Variants in ADGRB3 observed in about 807,000 individuals in gnomAD.
ADGRB3 encodes brain-specific angiogenesis inhibitor 3.
ADGRB3 carries 37 observed loss-of-function variants against 193.4 expected under a neutral mutation model. The observed-to-expected ratio is 0.19, with a 90% CI of 0.15 to 0.25. The LOEUF is 0.25. Among genes scored for constraint, ADGRB3 ranks in the 10% least tolerant of loss-of-function variants. The pLI, the probability that ADGRB3 is intolerant of heterozygous loss-of-function variation, is 1.00. For synonymous variants in ADGRB3, 690 were observed against 644.2 expected, an observed-to-expected ratio of 1.07 and a Z score of -1.08; for missense variants, 1,637 against 1,852.9, an observed-to-expected ratio of 0.88 and a Z score of 2.14.
At chr6:69,067,495 A>G (rs1771943109) in intron 16 of ADGRB3, among the ~76,000 whole-genome samples, 1 of 152,160 alleles carries the variant, frequency 6.6e-6, no homozygotes, top group Non-Finnish European at 1.5e-5. Context: ...AGAAATTCCA[A>G]CATTCATCAG....
intron 17 of ADGRB3, among the ~76,000 whole-genome samples, chr6:69,142,102 C>G (rs1411121211): frequency 1.3e-5 from 2 of 152,168 alleles, no homozygotes; most frequent in African/African-American, 4.8e-5. Context: ...ATACTTTGAT[C>G]TTAACTTTGG....
chr6:69,115,913 T>G (rs1174890960), intron 17 of ADGRB3, among the ~76,000 whole-genome samples: 1 of 152,214 alleles, frequency 6.6e-6, no homozygotes, highest in Non-Finnish European at 1.5e-5. Context: ...TGTATCAGTC[T>G]GGGTTCTAGA....
At chr6:69,159,520 T>C (rs1029472380) in intron 17 of ADGRB3, among the ~76,000 whole-genome samples, 2 of 152,114 alleles carry the variant, frequency 1.3e-5, no homozygotes, top group African/African-American at 4.8e-5. Context: ...TGAGTTCTTC[T>C]AGTTGGAAAG....
intron 3 of ADGRB3, among the ~76,000 whole-genome samples, chr6:68,832,022 T>C (rs149876364): frequency 6.6e-6 from 1 of 152,316 alleles, no homozygotes; most frequent in Non-Finnish European, 1.5e-5. Context: ...AGCTACCTTT[T>C]CTTTTAAGTT....
chr6:69,123,510 C>T (rs1388643002), intron 17 of ADGRB3, among the ~76,000 whole-genome samples: 1 of 152,160 alleles, frequency 6.6e-6, no homozygotes, highest in East Asian at 1.9e-4. Context: ...TCTTCACTCT[C>T]CTATAAATTA....
chr6:68,831,695 A>G (rs772017647), intron 3 of ADGRB3, among the ~76,000 whole-genome samples: 1 of 152,132 alleles, frequency 6.6e-6, no homozygotes, highest in Non-Finnish European at 1.5e-5. Flanking sequence ...CTGGAAGTCA[A>G]CGTGGAAATA....
chr6:68,955,593 C>T (rs1008620123), intron 6 of ADGRB3, among the ~76,000 whole-genome samples: 12 of 152,102 alleles, frequency 7.9e-5, no homozygotes, highest in African/African-American at 2.9e-4. Context: ...AGTTTGAGAC[C>T]AGCCTGACCA....
chr6:68,742,612 C>A (rs572402748), intron 3 of ADGRB3, among the ~76,000 whole-genome samples: 1 of 152,068 alleles, frequency 6.6e-6, no homozygotes, highest in South Asian at 2.1e-4. Context: ...TAAATGCCTA[C>A]CACATAGATT....
At chr6:68,806,050 A>T (rs745380911) in intron 3 of ADGRB3, among the ~76,000 whole-genome samples, 1 of 152,222 alleles carries the variant, frequency 6.6e-6, no homozygotes, top group Non-Finnish European at 1.5e-5. Flanking sequence ...CACAGCCAAC[A>T]TTCTCCCTTT....
chr6:69,220,790 C>T (rs1582555742), intron 17 of ADGRB3, among the ~76,000 whole-genome samples: 1 of 152,054 alleles, frequency 6.6e-6, no homozygotes, highest in East Asian at 1.9e-4. Context: ...GGAGTAACAG[C>T]ATGATAGGAA....
chr6:69,316,802 C>T (rs1768322215), intron 20 of ADGRB3, among the ~76,000 whole-genome samples: 1 of 151,314 alleles, frequency 6.6e-6, no homozygotes, highest in African/African-American at 2.4e-5. Context: ...GAAGTTTGAC[C>T]ACAATTGGAG....
At chr6:69,124,499 GA>G (rs1167853035) in intron 17 of ADGRB3, among the ~76,000 whole-genome samples, 1 of 152,142 alleles carries the variant, frequency 6.6e-6, no homozygotes, top group Non-Finnish European at 1.5e-5. Flanking sequence ...TCTTCGTCTA[GA>G]AAACAAGGAT....
chr6:69,132,954 C>T (rs936986388), intron 17 of ADGRB3, among the ~76,000 whole-genome samples: 1 of 152,080 alleles, frequency 6.6e-6, no homozygotes, highest in Non-Finnish European at 1.5e-5. Context: ...GGTGTTATTT[C>T]TGAGGGCTCT....
Position 68,679,838 on chromosome 6 carries a change from C to T in ADGRB3, c.757+40406C>T, listed in dbSNP as rs149758330. Among the ~76,000 whole-genome samples the T allele has an allele frequency of 6.8e-3, 1,033 of 152,146 alleles. 17 individuals carry two copies. The highest frequency in any genetic ancestry group is 0.024 in the African/African-American group (992 of 41,504). ...TTTCCTATAGAGAAATAATTGAGAA[C>T]AGTAAACACTTAAAAAATAGTCAAA... On this transcript the variant is annotated intron_variant, in intron 3 of 31. Coordinates refer to ENST00000370598, the MANE Select transcript of ADGRB3 (RefSeq NM_001704.3).
At chr6:68,647,634 C>T (rs1429391958) in intron 3 of ADGRB3, among the ~76,000 whole-genome samples, 3 of 152,094 alleles carry the variant, frequency 2.0e-5, no homozygotes, top group African/African-American at 7.2e-5. Context: ...TAATAATACA[C>T]GACTTAGATC....
intron 17 of ADGRB3, among the ~76,000 whole-genome samples, chr6:69,160,948 G>A (rs1303089514): frequency 2.0e-5 from 3 of 152,078 alleles, no homozygotes; most frequent in Non-Finnish European, 4.4e-5. Flanking sequence ...TGGCCCATTA[G>A]CTCAATATGC....
intron 3 of ADGRB3, among the ~76,000 whole-genome samples, chr6:68,872,483 A>G (rs998965226): frequency 1.3e-5 from 2 of 152,106 alleles, no homozygotes; most frequent in Non-Finnish European, 2.9e-5. Flanking sequence ...AAATTGAACA[A>G]TTTGTTGAAG....
chr6:69,030,278 G>T (rs1336019433), intron 13 of ADGRB3, among the ~76,000 whole-genome samples: 1 of 152,002 alleles, frequency 6.6e-6, no homozygotes, highest in African/African-American at 2.4e-5. Context: ...ATACCCAAAG[G>T]ATTATAAATC....
intron 26 of ADGRB3, among the ~76,000 whole-genome samples, chr6:69,348,459 C>A (rs1270722844): frequency 1.6e-5 from 2 of 126,580 alleles, no homozygotes; most frequent in Non-Finnish European, 3.2e-5. Context: ...CCAGCCTGGC[C>A]AACATGGTGA....
Sources: gnomAD v4.1 joint callset for allele counts (sites outside exome capture counted in the v4.1 genomes callset) on GRCh38, gnomAD v4.1.1 for gene constraint, MANE v1.5 for transcripts, NCBI Gene and HGNC (gene_info 2026-07-23, HGNC 2026-07-21) for gene names.